COLGALT2: variants seen among roughly 807,000 people sequenced by gnomAD.
The protein encoded by COLGALT2 is collagen beta(1-O)galactosyltransferase 2, also known as procollagen galactosyltransferase 2.
In COLGALT2, 49 loss-of-function variants were observed where a neutral mutation model predicts 73.4. The ratio of observed to expected loss-of-function variants is 0.67; its 90% CI spans 0.53 to 0.85. The LOEUF (loss-of-function observed/expected upper bound fraction) is 0.85. Among genes scored for constraint, COLGALT2 ranks in the 40% least tolerant of loss-of-function variants. The pLI, the probability that COLGALT2 is intolerant of heterozygous loss-of-function variation, is 0.00. For synonymous variants in COLGALT2, 295 were observed against 307.6 expected (o/e 0.96, Z 0.43); for missense variants, 722 against 790.2 (o/e 0.91, Z 1.03).
chr1:183,999,223 A>G (rs969016514), intron 1 of COLGALT2, among the ~76,000 whole-genome samples: 2 of 152,098 alleles, frequency 1.3e-5, no homozygotes, highest in Non-Finnish European at 2.9e-5. Context: ...TGAGATGAAC[A>G]TATGGCTTTT....
intron 11 of COLGALT2, among the ~76,000 whole-genome samples, chr1:183,940,065 G>A (rs1403219915): frequency 6.6e-6 from 1 of 152,160 alleles, no homozygotes; most frequent in Non-Finnish European, 1.5e-5. Flanking sequence ...ATCATGCTCA[G>A]GTATCAGGTC....
At chr1:184,013,749 G>A (rs1052090075) in intron 1 of COLGALT2, among the ~76,000 whole-genome samples, 2 of 125,958 alleles carry the variant, frequency 1.6e-5, no homozygotes, top group Admixed American at 7.1e-5. Flanking sequence ...TTGGTGGGAG[G>A]GGGGGTAAAA....
intron 1 of COLGALT2, among the ~76,000 whole-genome samples, chr1:184,011,122 T>C (rs1672223161): frequency 6.6e-6 from 1 of 152,218 alleles, no homozygotes; most frequent in Admixed American, 6.5e-5. Flanking sequence ...TTTCAGCTTT[T>C]TCAAGAAACA....
intron 1 of COLGALT2, among the ~76,000 whole-genome samples, chr1:184,035,260 A>G (rs1649637020): frequency 6.6e-6 from 1 of 152,222 alleles, no homozygotes; most frequent in Non-Finnish European, 1.5e-5. Flanking sequence ...AATTTTTGAA[A>G]TCATTTATTC....
At chr1:183,940,861 G>T in intron 10 of COLGALT2, 74 bp from the exon 11 acceptor site, 1 of 1,261,916 alleles carries the variant, frequency 7.9e-7, no homozygotes, top group Non-Finnish European at 1.2e-6. Flanking sequence ...CACAGCTTTG[G>T]TTTACATAGA....
intron 1 of COLGALT2, among the ~76,000 whole-genome samples, chr1:183,986,238 G>C (rs1671486399): frequency 6.6e-6 from 1 of 152,064 alleles, no homozygotes; most frequent in Non-Finnish European, 1.5e-5. Context: ...ATGGATTGGG[G>C]GTCTGGGGAT....
chr1:184,037,452 C>T lies in COLGALT2; in HGVS notation c.-95G>A. On this transcript the variant is annotated 5_prime_UTR_variant, in exon 1 of 12. Coordinates refer to ENST00000361927, the MANE Select transcript of COLGALT2 (RefSeq NM_015101.4). ...GCGGCTGCCGGGGAGCAAGGGGCTG[C>T]GAGGGGCGGCCGGGGGATGCGGCTT... 1 of 1,219,138 alleles carries T rather than the reference C, an allele frequency of 8.2e-7. No homozygotes were observed. The highest frequency in any genetic ancestry group is 1.0e-6 in the Non-Finnish European group (1 of 981,424). The allele number at this position is 1,219,138 out of a possible 1,614,324, so 75.5% of individuals were successfully genotyped here.
chr1:183,941,438 C>T (rs555209598), intron 10 of COLGALT2, among the ~76,000 whole-genome samples: 1 of 152,330 alleles, frequency 6.6e-6, no homozygotes, highest in Non-Finnish European at 1.5e-5. Context: ...ACCTTCCGTC[C>T]TCCGTGAACA....
rs565740178 is a variant in COLGALT2, at chr1:184,003,446, T to C, written c.264-24926A>G. On this transcript the variant is annotated intron_variant, in intron 1 of 11. Coordinates refer to ENST00000361927, the MANE Select transcript of COLGALT2 (RefSeq NM_015101.4). Reference sequence around the variant, plus strand: ...TACTACCGATAGATGCTCTGCTCAATAGTCCTTGTCTTCAAATCCGTCCAG... The same window carrying C: ...TACTACCGATAGATGCTCTGCTCAACAGTCCTTGTCTTCAAATCCGTCCAG... Among the ~76,000 whole-genome samples the C allele has an allele frequency of 1.3e-4, 20 of 152,270 alleles. 1 individual carries two copies. The South Asian group carries it at 3.9e-3, about 30-fold the overall frequency.
chr1:184,022,767 A>T (rs377679113), intron 1 of COLGALT2, among the ~76,000 whole-genome samples: 1 of 152,242 alleles, frequency 6.6e-6, no homozygotes. Flanking sequence ...TCAGGGCAGA[A>T]ATCGTTTCAC....
chr1:183,973,688 G>A lies in COLGALT2; in HGVS notation c.555C>T (p.Asn185=), dbSNP rs748399240. The part of the protein sequence containing the change: ...PQTLNLLIAE[N]KTIVAPMLES... Reference sequence around the variant, plus strand: ...CCAGCATGGGGGCCACAATAGTTTTGTTTTCTGCAATCAGTAGATTGAGGG... The same window carrying A: ...CCAGCATGGGGGCCACAATAGTTTTATTTTCTGCAATCAGTAGATTGAGGG... The change falls in exon 4 of 12, where the codon AAC becomes AAT. Residue 185 remains asparagine (N), a synonymous_variant. Transcript: ENST00000361927. 6.2e-7 allele frequency: 1 copy of A among 1,613,992 alleles called. No individual in the cohort carries two copies. Among genetic ancestry groups the A allele is most frequent in the Non-Finnish European group, 8.5e-7 (1 of 1,179,982 alleles).
chr1:184,032,901 T>C (rs1385261062), intron 1 of COLGALT2, among the ~76,000 whole-genome samples: 1 of 152,228 alleles, frequency 6.6e-6, no homozygotes, highest in Non-Finnish European at 1.5e-5. Flanking sequence ...CCCCAAACAA[T>C]GCAGAAATAA....
intron 6 of COLGALT2, among the ~76,000 whole-genome samples, chr1:183,962,934 T>C (rs1351542129): frequency 6.6e-6 from 1 of 152,224 alleles, no homozygotes; most frequent in Non-Finnish European, 1.5e-5. Context: ...CCTGCCCACT[T>C]TCTAGCCTCA....
intron 1 of COLGALT2, among the ~76,000 whole-genome samples, chr1:184,032,589 G>T (rs1649549535): frequency 6.6e-6 from 1 of 152,162 alleles, no homozygotes; most frequent in African/African-American, 2.4e-5. Flanking sequence ...CTACCAGATT[G>T]GGAAAATGAG....
chr1:183,930,287 A>G, exon 12 of COLGALT2: 1 of 456,332 alleles, frequency 2.2e-6, no homozygotes. Context: ...ACTTGAGAGG[A>G]GGCTGCACAG....
At chr1:183,952,751 C>T (rs1378935997) in intron 7 of COLGALT2, among the ~76,000 whole-genome samples, 1 of 152,192 alleles carries the variant, frequency 6.6e-6, no homozygotes, top group Non-Finnish European at 1.5e-5. Context: ...TTAAGTGCAT[C>T]CTAATTTTAC....
chr1:184,037,255 A>C lies in COLGALT2; in HGVS notation c.103T>G (p.Ser35Ala), dbSNP rs1649719882. 1 of 1,574,864 alleles carries C rather than the reference A, an allele frequency of 6.3e-7. No individual in the cohort carries two copies. Among genetic ancestry groups the C allele is most frequent in the Admixed American group, 1.8e-5 (1 of 54,856 alleles). ...ACCGGCTCCTCTCCGTCGTCCTCCG[A>C]GTCCCGCTCGGCGACGAAGCGCGCT... ...CRARFVAERD[S>A]EDDGEEPVVF... Residue 35 changes from serine to alanine, a missense_variant, in exon 1 of 12, where the codon TCG becomes GCG. By Grantham distance (99) the Ser-to-Ala change is moderately conservative. Coordinates refer to ENST00000361927, the MANE Select transcript of COLGALT2 (RefSeq NM_015101.4).
chr1:183,948,388 T>C (rs1272987728), intron 8 of COLGALT2, among the ~76,000 whole-genome samples: 1 of 152,130 alleles, frequency 6.6e-6, no homozygotes, highest in African/African-American at 2.4e-5. Flanking sequence ...ACCAAATGGG[T>C]CCCAGGATTA....
intron 7 of COLGALT2, among the ~76,000 whole-genome samples, chr1:183,951,707 GA>G (rs1670406722): frequency 6.6e-6 from 1 of 151,996 alleles, no homozygotes; most frequent in African/African-American, 2.4e-5. Context: ...AGGATATTAA[GA>G]AAAGAAAGAT....
Sources: allele counts gnomAD v4.1 joint callset (sites outside exome capture counted in the v4.1 genomes callset), GRCh38; gene constraint gnomAD v4.1.1; transcripts MANE v1.5; gene names NCBI Gene and HGNC (gene_info 2026-07-23, HGNC 2026-07-21).